The following SLC25A26 variants were observed in gnomAD, a reference collection of about 807,000 sequenced individuals.
The protein encoded by SLC25A26 is solute carrier family 25 member 26, also known as mitochondrial S-adenosylmethionine carrier protein.
In SLC25A26, 36 loss-of-function variants were observed where a neutral mutation model predicts 37.8. That is an observed-to-expected ratio of 0.95 (90% CI 0.73 to 1.26). SLC25A26 has a LOEUF of 1.26. SLC25A26 is among the 50% of genes most tolerant of loss of function. SLC25A26 has a pLI of 0.00. For missense variants in SLC25A26, 390 were observed against 331.1 expected (o/e 1.18, Z -1.38); for synonymous variants, 129 against 122.5 (o/e 1.05, Z -0.35).
chr3:66,210,915 G>T (rs2071276635), intron 1 of SLC25A26, among the ~76,000 whole-genome samples: 1 of 152,214 alleles, frequency 6.6e-6, no homozygotes, highest in African/African-American at 2.4e-5. Context: ...TCAGGGGCCA[G>T]ATCACTCAGG....
chr3:66,288,931 A>G (rs2074608511), intron 5 of SLC25A26, among the ~76,000 whole-genome samples: 1 of 152,126 alleles, frequency 6.6e-6, no homozygotes, highest in South Asian at 2.1e-4. Context: ...GAACTAATTT[A>G]CACTCCCACC....
At chr3:66,195,260 G>A (rs2071025984) in intron 1 of SLC25A26, among the ~76,000 whole-genome samples, 1 of 152,086 alleles carries the variant, frequency 6.6e-6, no homozygotes, top group East Asian at 1.9e-4. Flanking sequence ...AACACCCGCT[G>A]TAATCCCTTT....
intron 1 of SLC25A26, among the ~76,000 whole-genome samples, chr3:66,150,594 ATG>A (rs1280105388): frequency 3.5e-5 from 4 of 112,982 alleles, no homozygotes; most frequent in Non-Finnish European, 7.1e-5. Context: ...TGATATATAT[ATG>A]TAATGAGATA....
chr3:66,302,301 T>C (rs2075098909), intron 5 of SLC25A26, among the ~76,000 whole-genome samples: 1 of 152,206 alleles, frequency 6.6e-6, no homozygotes, highest in Non-Finnish European at 1.5e-5. Context: ...CATGTTAAAA[T>C]TGAGTGGTTT....
At chr3:66,141,805 C>A (rs749136218) in intron 1 of SLC25A26, among the ~76,000 whole-genome samples, 1 of 152,174 alleles carries the variant, frequency 6.6e-6, no homozygotes, top group Admixed American at 6.5e-5. Flanking sequence ...TGGGCCACTG[C>A]GCCGGTCTTG....
At chr3:66,171,939 TC>T (rs1559559592) in intron 1 of SLC25A26, among the ~76,000 whole-genome samples, 1 of 152,196 alleles carries the variant, frequency 6.6e-6, no homozygotes, top group Non-Finnish European at 1.5e-5. Context: ...TTACCCCCTT[TC>T]CTGTAAAGTT....
upstream of SLC25A26, chr3:66,220,996 A>T (rs912327153): frequency 3.7e-6 from 5 of 1,337,194 alleles, no homozygotes; most frequent in Admixed American, 4.0e-5. Flanking sequence ...CCGGAAGTTC[A>T]AGACAGACCC....
intron 5 of SLC25A26, among the ~76,000 whole-genome samples, chr3:66,265,018 A>G (rs995143347): frequency 6.6e-6 from 1 of 152,352 alleles, no homozygotes; most frequent in Non-Finnish European, 1.5e-5. Flanking sequence ...TATTACTGCA[A>G]GAACATGGTA....
intron 1 of SLC25A26, among the ~76,000 whole-genome samples, chr3:66,208,759 T>TATATGGGTATATATATATACAC (rs2071218025): frequency 3.5e-5 from 4 of 114,184 alleles, no homozygotes; most frequent in African/African-American, 8.9e-5. Context: ...TATATATATT[T>TATATGGGTATATATATATACAC]ATATGGGTGT....
intron 1 of SLC25A26, among the ~76,000 whole-genome samples, chr3:66,162,078 A>G (rs139122975): frequency 0.016 from 2,469 of 152,246 alleles, 28 homozygotes; most frequent in Middle Eastern, 0.027. Context: ...TCGGAGATCA[A>G]GACATTGGCA....
At position 66,377,928 on chromosome 3, in the gene SLC25A26, C is replaced by A. The variant is rs1421243943; in HGVS notation, c.*121C>A. 1.6e-5 allele frequency: 12 copies of A among 754,014 alleles called. No homozygotes were observed. In the Admixed American group the frequency reaches 2.7e-4, roughly 17 times the overall value. 46.7% of individuals were successfully genotyped at this position (754,014 alleles called of 1,614,324 possible). On this transcript the variant is annotated 3_prime_UTR_variant, in exon 10 of 10. Coordinates refer to ENST00000354883, the MANE Select transcript of SLC25A26 (RefSeq NM_001379210.1). ...GCTGAAGACCAGTTGTGCTAAGATA[C>A]CGGCATGGAGATTGTGCCATCCGTG...
chr3:66,211,509 G>C (rs983614289), intron 1 of SLC25A26, among the ~76,000 whole-genome samples: 4 of 152,158 alleles, frequency 2.6e-5, no homozygotes, highest in Non-Finnish European at 5.9e-5. Flanking sequence ...TCTTAATATA[G>C]CTTGCACTTA....
chr3:66,307,138 C>G (rs1399001978), intron 5 of SLC25A26, among the ~76,000 whole-genome samples: 3 of 151,992 alleles, frequency 2.0e-5, no homozygotes, highest in African/African-American at 7.2e-5. Context: ...GTGAAGGTGT[C>G]TGTTTCTCCA....
At chr3:66,346,925 T>C (rs545056968) in intron 6 of SLC25A26, among the ~76,000 whole-genome samples, 1 of 152,194 alleles carries the variant, frequency 6.6e-6, no homozygotes, top group African/African-American at 2.4e-5. Context: ...TCCGTCTTGG[T>C]TGCTCACTCC....
At chr3:66,315,949 G>C (rs896231767) in intron 5 of SLC25A26, among the ~76,000 whole-genome samples, 3 of 151,916 alleles carry the variant, frequency 2.0e-5, no homozygotes, top group African/African-American at 7.3e-5. Context: ...GCTTTTTTCT[G>C]TTTTCCATTT....
chr3:66,300,339 T>C (rs1407601471), intron 5 of SLC25A26, among the ~76,000 whole-genome samples: 1 of 150,708 alleles, frequency 6.6e-6, no homozygotes, highest in Non-Finnish European at 1.5e-5. Context: ...GACTGCAGTT[T>C]GGGAGACCTT....
At chr3:66,284,884 C>T (rs1370274033) in intron 5 of SLC25A26, among the ~76,000 whole-genome samples, 2 of 152,032 alleles carry the variant, frequency 1.3e-5, no homozygotes, top group African/African-American at 2.4e-5. Flanking sequence ...TATTTTGTTA[C>T]CATTTTGTAG....
intron 2 of SLC25A26, among the ~76,000 whole-genome samples, chr3:66,239,827 T>TTC (rs1262480235): frequency 1.5e-5 from 2 of 134,136 alleles, no homozygotes; most frequent in Non-Finnish European, 3.5e-5. Context: ...TTTTTTTTTT[T>TTC]TTTTTTTTTT....
intron 1 of SLC25A26, among the ~76,000 whole-genome samples, chr3:66,182,248 G>A (rs2070724305): frequency 6.6e-6 from 1 of 152,174 alleles, no homozygotes; most frequent in African/African-American, 2.4e-5. Flanking sequence ...CTCCTAGGGA[G>A]TGAGTGGTAG....
Sources: allele counts gnomAD v4.1 joint callset (sites outside exome capture counted in the v4.1 genomes callset), GRCh38; gene constraint gnomAD v4.1.1; transcripts MANE v1.5; gene names NCBI Gene and HGNC (gene_info 2026-07-23, HGNC 2026-07-21).